Variants in CSMD1 observed in about 807,000 individuals in gnomAD.
CSMD1 encodes the protein CUB and sushi domain-containing protein 1.
Under a neutral mutation model 417.5 loss-of-function variants are expected in CSMD1, and 213 were observed. That is an observed-to-expected ratio of 0.51 (90% CI 0.46 to 0.57). CSMD1 has a LOEUF of 0.57. Among genes scored for constraint, CSMD1 ranks in the 20% least tolerant of loss-of-function variants. The probability of loss-of-function intolerance (pLI) is 0.00; values close to 1 mark genes in which losing one functional copy is unlikely to be tolerated. For missense variants in CSMD1, 6,923 were observed against 4,529.7 expected, an observed-to-expected ratio of 1.53 and a Z score of -15.17; for synonymous variants, 2,862 against 1,736.8, an observed-to-expected ratio of 1.65 and a Z score of -16.11.
At chr8:3,668,670 G>C (rs139665645) in intron 7 of CSMD1, among the ~76,000 whole-genome samples, 2 of 152,152 alleles carry the variant, frequency 1.3e-5, no homozygotes, top group Non-Finnish European at 1.5e-5. Flanking sequence ...AGTCTGAGGT[G>C]TCCAGAGATC....
chr8:4,347,963 T>A (rs1180095644), intron 3 of CSMD1, among the ~76,000 whole-genome samples: 1 of 152,128 alleles, frequency 6.6e-6, no homozygotes, highest in Non-Finnish European at 1.5e-5. Flanking sequence ...CAGAAGAATT[T>A]ATACACGGGA....
intron 1 of CSMD1, among the ~76,000 whole-genome samples, chr8:4,740,780 G>A (rs941825811): frequency 6.6e-6 from 1 of 152,050 alleles, no homozygotes; most frequent in Non-Finnish European, 1.5e-5. Context: ...TCTTCTCTTA[G>A]GTATATTTTC....
intron 7 of CSMD1, among the ~76,000 whole-genome samples, chr8:3,702,539 A>T (rs1027893549): frequency 6.6e-6 from 1 of 152,246 alleles, no homozygotes; most frequent in South Asian, 2.1e-4. Context: ...TCATTAAAAA[A>T]TAGAGTGCTG....
In CSMD1 at chr8:3,407,543, A is replaced by G. The variant is rs1198452476; in HGVS notation, c.2071+356T>C. 2.0e-5 allele frequency among the ~76,000 whole-genome samples: 3 copies of G among 151,910 alleles called. No individual in the cohort carries two copies. In the East Asian group the frequency reaches 5.8e-4, roughly 29 times the overall value. The stretch of plus-strand genomic sequence containing the variant: ...TACAGATGGACAGATGGATGGATGA[A>G]TGGAAGAATAGATGGAATAATGGTT... On this transcript the variant is annotated intron_variant, in intron 14 of 69. Transcript: ENST00000635120.
intron 51 of CSMD1, among the ~76,000 whole-genome samples, chr8:3,022,364 ATCCGGAATGCACCCGCAATCCCACAGCG>A (rs1563248161): frequency 4.0e-5 from 6 of 151,732 alleles, no homozygotes; most frequent in Non-Finnish European, 1.5e-5. Context: ...ATCCCACAGC[ATCCGGAATGCACCCGCAATCCCACAGCG>A]TCCGGAATGC....
At chr8:3,968,939 G>A (rs752357642) in intron 5 of CSMD1, among the ~76,000 whole-genome samples, 17 of 152,122 alleles carry the variant, frequency 1.1e-4, no homozygotes, top group South Asian at 2.1e-4. Flanking sequence ...CATTGAAACC[G>A]ACTACTCTTC....
intron 2 of CSMD1, among the ~76,000 whole-genome samples, chr8:4,570,278 T>A (rs1585264985): frequency 6.6e-6 from 1 of 152,194 alleles, no homozygotes; most frequent in African/African-American, 2.4e-5. Context: ...TGTGGGTTTG[T>A]CATACACAGC....
intron 41 of CSMD1, among the ~76,000 whole-genome samples, chr8:3,123,793 TG>T (rs1244130481): frequency 1.3e-5 from 2 of 152,232 alleles, no homozygotes; most frequent in African/African-American, 4.8e-5. Flanking sequence ...GTACTCCTGG[TG>T]AACCTTCACT....
At chr8:4,438,803 GCTT>G (rs1441824265) in intron 2 of CSMD1, among the ~76,000 whole-genome samples, 3 of 152,146 alleles carry the variant, frequency 2.0e-5, no homozygotes, top group Non-Finnish European at 2.9e-5. Context: ...CAAAAGATTT[GCTT>G]ATTATTCAAG....
chr8:3,657,207 A>G (rs530253778), intron 7 of CSMD1, among the ~76,000 whole-genome samples: 54 of 152,318 alleles, frequency 3.5e-4, no homozygotes, highest in Middle Eastern at 3.4e-3. Context: ...TGTTTACATC[A>G]TTTCATTATG....
At chr8:4,545,821 A>T (rs556745888) in intron 2 of CSMD1, among the ~76,000 whole-genome samples, 2 of 152,350 alleles carry the variant, frequency 1.3e-5, no homozygotes, top group African/African-American at 4.8e-5. Context: ...CTCATCATCT[A>T]GGCCACACAG....
At chr8:3,275,881 C>T (rs189429596) in intron 26 of CSMD1, among the ~76,000 whole-genome samples, 2 of 152,100 alleles carry the variant, frequency 1.3e-5, no homozygotes, top group African/African-American at 2.4e-5. Flanking sequence ...TGAATGTCCT[C>T]CTGTAGCTCA....
intron 1 of CSMD1, among the ~76,000 whole-genome samples, chr8:4,870,128 T>C (rs932606820): frequency 6.6e-6 from 1 of 152,134 alleles, no homozygotes; most frequent in African/African-American, 2.4e-5. Context: ...ATTCAGTTAA[T>C]CTAATTACAT....
intron 3 of CSMD1, among the ~76,000 whole-genome samples, chr8:4,109,044 T>G (rs140787484): frequency 6.6e-6 from 1 of 152,322 alleles, no homozygotes; most frequent in East Asian, 1.9e-4. Flanking sequence ...GATGCTCAAG[T>G]CCGTCATATA....
At chr8:3,870,837 A>G (rs1013291141) in intron 5 of CSMD1, among the ~76,000 whole-genome samples, 1 of 152,152 alleles carries the variant, frequency 6.6e-6, no homozygotes, top group Admixed American at 6.5e-5. Flanking sequence ...AGCATCTCCA[A>G]CATTAACACC....
intron 62 of CSMD1, 79 bp from the exon 63 acceptor site, chr8:2,957,886 G>A (rs532100560): frequency 6.0e-5 from 58 of 969,556 alleles, no homozygotes; most frequent in South Asian, 5.0e-4. Flanking sequence ...GAAAGTACAC[G>A]CCCGAGTAAA....
At chr8:3,497,116 A>T (rs1796398435) in intron 10 of CSMD1, among the ~76,000 whole-genome samples, 1 of 152,206 alleles carries the variant, frequency 6.6e-6, no homozygotes. Flanking sequence ...AATGTGTATT[A>T]TGCAGCTGTT....
chr8:3,381,394 G>C (rs1297054180), intron 18 of CSMD1, among the ~76,000 whole-genome samples: 9 of 152,064 alleles, frequency 5.9e-5, no homozygotes, highest in Admixed American at 3.9e-4. Context: ...ATATGTGTTT[G>C]CATGGCACAT....
intron 18 of CSMD1, among the ~76,000 whole-genome samples, chr8:3,373,981 C>T (rs1164539816): frequency 7.2e-6 from 1 of 138,564 alleles, no homozygotes; most frequent in African/African-American, 2.7e-5. Flanking sequence ...GAGATGGAGA[C>T]TTGCTTCTTT....
Sources: gnomAD v4.1 joint callset for allele counts (sites outside exome capture counted in the v4.1 genomes callset) on GRCh38, gnomAD v4.1.1 for gene constraint, MANE v1.5 for transcripts, NCBI Gene and HGNC (gene_info 2026-07-23, HGNC 2026-07-21) for gene names.